Variants in UBE2E2 observed in about 807,000 individuals in gnomAD.
UBE2E2 encodes ubiquitin conjugating enzyme E2 E2.
A neutral mutation model predicts 24.7 loss-of-function variants in UBE2E2; 6 were observed. The ratio of observed to expected loss-of-function variants is 0.24; its 90% CI spans 0.13 to 0.48. UBE2E2 has a LOEUF of 0.48. Among genes scored for constraint, UBE2E2 ranks in the 20% least tolerant of loss-of-function variants. The probability of loss-of-function intolerance (pLI) is 0.99; values close to 1 mark genes in which losing one functional copy is unlikely to be tolerated. For missense variants in UBE2E2, 169 were observed against 245.0 expected (o/e 0.69, Z 2.07); for synonymous variants, 104 against 83.6 (o/e 1.24, Z -1.33).
chr3:23,461,895 A>G (rs1380030364), intron 3 of UBE2E2, among the ~76,000 whole-genome samples: 1 of 152,292 alleles, frequency 6.6e-6, no homozygotes, highest in Non-Finnish European at 1.5e-5. Flanking sequence ...ATATGACTAT[A>G]TGATGTGACA....
intron 3 of UBE2E2, among the ~76,000 whole-genome samples, chr3:23,260,049 G>T (rs927523170): frequency 5.3e-5 from 8 of 152,012 alleles, no homozygotes; most frequent in Non-Finnish European, 7.4e-5. Context: ...GACATCCCTG[G>T]TTTATCTTTT....
intron 3 of UBE2E2, among the ~76,000 whole-genome samples, chr3:23,439,255 A>C (rs1397006611): frequency 6.6e-6 from 1 of 152,218 alleles, no homozygotes. Context: ...CTTCCTGTGC[A>C]CTGCAAAAGG....
intron 3 of UBE2E2, among the ~76,000 whole-genome samples, chr3:23,453,712 T>A (rs1698616387): frequency 1.3e-5 from 2 of 152,182 alleles, no homozygotes; most frequent in Non-Finnish European, 2.9e-5. Flanking sequence ...GTGAATACAT[T>A]TGTCATTATA....
intron 3 of UBE2E2, among the ~76,000 whole-genome samples, chr3:23,286,496 T>A (rs1046588549): frequency 6.6e-6 from 1 of 152,162 alleles, no homozygotes; most frequent in Non-Finnish European, 1.5e-5. Flanking sequence ...CTATTTTGTT[T>A]CATTGGTCTG....
chr3:23,461,437 A>T (rs145419158), intron 3 of UBE2E2, among the ~76,000 whole-genome samples: 1 of 152,010 alleles, frequency 6.6e-6, no homozygotes, highest in African/African-American at 2.4e-5. Flanking sequence ...GAGGAATCCT[A>T]TTCTTGACTC....
chr3:23,246,843 G>T (rs1024150228), intron 3 of UBE2E2, among the ~76,000 whole-genome samples: 1 of 152,098 alleles, frequency 6.6e-6, no homozygotes, highest in Non-Finnish European at 1.5e-5. Context: ...TAGGTATTTG[G>T]TTATTTATTA....
intron 5 of UBE2E2, among the ~76,000 whole-genome samples, chr3:23,556,139 ACTT>A (rs1695775891): frequency 2.2e-5 from 3 of 136,354 alleles, no homozygotes; most frequent in Admixed American, 7.4e-5. Context: ...AAATATACAA[ACTT>A]TTTTTTTTTT....
In UBE2E2 at chr3:23,274,945, G is replaced by C. The variant is rs545783163; in HGVS notation, c.227+57633G>C. Among the ~76,000 whole-genome samples, 6 of 152,228 alleles carry C rather than the reference G, an allele frequency of 3.9e-5. No individual in the cohort carries two copies. The South Asian group carries it at 1.2e-3, about 32-fold the overall frequency. On this transcript the variant is annotated intron_variant, in intron 3 of 5. Coordinates refer to ENST00000396703, the MANE Select transcript of UBE2E2 (RefSeq NM_152653.4). Reference sequence around the variant, plus strand: ...AATAATTACAGCTAACTTGTTTAGAGTGCTGGTCAGGACCTGAGCTGTATG... The same window carrying C: ...AATAATTACAGCTAACTTGTTTAGACTGCTGGTCAGGACCTGAGCTGTATG...
intron 3 of UBE2E2, among the ~76,000 whole-genome samples, chr3:23,282,503 A>G (rs916202320): frequency 3.3e-5 from 5 of 152,216 alleles, no homozygotes; most frequent in African/African-American, 1.2e-4. Flanking sequence ...AGGACCTTTT[A>G]GGAGACAAAT....
intron 3 of UBE2E2, among the ~76,000 whole-genome samples, chr3:23,428,234 A>G (rs1340457954): frequency 6.6e-6 from 1 of 152,250 alleles, no homozygotes; most frequent in Non-Finnish European, 1.5e-5. Context: ...ACTAGAAATT[A>G]GTAACAGAAA....
intron 3 of UBE2E2, among the ~76,000 whole-genome samples, chr3:23,473,102 C>T (rs1699061564): frequency 6.6e-6 from 1 of 151,986 alleles, no homozygotes; most frequent in Admixed American, 6.5e-5. Context: ...GGGTCCATGG[C>T]ACCTGATTTA....
chr3:23,339,743 T>C (rs1475378884), intron 3 of UBE2E2, among the ~76,000 whole-genome samples: 1 of 152,080 alleles, frequency 6.6e-6, no homozygotes, highest in Non-Finnish European at 1.5e-5. Flanking sequence ...CTCTTAAACA[T>C]TGTCTTGGGA....
chr3:23,314,705 T>C (rs1353627395), intron 3 of UBE2E2, among the ~76,000 whole-genome samples: 2 of 152,208 alleles, frequency 1.3e-5, no homozygotes, highest in Admixed American at 1.3e-4. Context: ...GTTTGAAGGA[T>C]ATTTTAACCA....
At chr3:23,385,864 T>C (rs1302549120) in intron 3 of UBE2E2, among the ~76,000 whole-genome samples, 2 of 152,206 alleles carry the variant, frequency 1.3e-5, no homozygotes, top group Non-Finnish European at 2.9e-5. Flanking sequence ...CAAAAATAGG[T>C]AACAGCTTAG....
At chr3:23,392,621 G>T (rs1223711660) in intron 3 of UBE2E2, among the ~76,000 whole-genome samples, 2 of 152,100 alleles carry the variant, frequency 1.3e-5, no homozygotes, top group Admixed American at 1.3e-4. Context: ...ATATTGCATG[G>T]TCTAATTAGA....
intron 3 of UBE2E2, among the ~76,000 whole-genome samples, chr3:23,312,858 A>G (rs1197754521): frequency 2.6e-5 from 4 of 152,184 alleles, no homozygotes; most frequent in East Asian, 3.8e-4. Context: ...CCCACTGGTC[A>G]TTCAGGAGCA....
intron 3 of UBE2E2, among the ~76,000 whole-genome samples, chr3:23,264,340 A>C (rs1697984325): frequency 6.6e-6 from 1 of 152,114 alleles, no homozygotes; most frequent in Admixed American, 6.5e-5. Context: ...ATAGCAAAAA[A>C]ATAAAAAATA....
intron 3 of UBE2E2, among the ~76,000 whole-genome samples, chr3:23,220,817 GGT>G (rs1696613957): frequency 6.6e-6 from 1 of 152,148 alleles, no homozygotes; most frequent in Non-Finnish European, 1.5e-5. Flanking sequence ...AATGACTACA[GGT>G]TGTAACTTTC....
intron 3 of UBE2E2, among the ~76,000 whole-genome samples, chr3:23,446,814 C>A (rs1402074839): frequency 6.7e-6 from 1 of 149,756 alleles, no homozygotes; most frequent in Non-Finnish European, 1.5e-5. Context: ...CTCTGTAGTT[C>A]CCGAGACTTG....
Sources: allele counts gnomAD v4.1 joint callset (sites outside exome capture counted in the v4.1 genomes callset), GRCh38; gene constraint gnomAD v4.1.1; transcripts MANE v1.5; gene names NCBI Gene and HGNC (gene_info 2026-07-23, HGNC 2026-07-21).